The following PRELID2 variants were observed in gnomAD, a reference collection of about 807,000 sequenced individuals.
The protein encoded by PRELID2 is PRELI domain-containing protein 2.
Under a neutral mutation model 28.4 loss-of-function variants are expected in PRELID2, and 25 were observed. The observed-to-expected ratio is 0.88, with a 90% confidence interval of 0.64 to 1.23. The LOEUF is 1.23. Among genes scored for constraint, PRELID2 ranks in the 50% most tolerant of loss-of-function variants. The pLI is 0.00. For missense variants in PRELID2, 201 were observed against 214.4 expected (o/e 0.94, Z 0.39); for synonymous variants, 76 against 71.6 (o/e 1.06, Z -0.31).
At chr5:145,527,147 A>C (rs1238136062) in intron 1 of PRELID2, among the ~76,000 whole-genome samples, 1 of 152,214 alleles carries the variant, frequency 6.6e-6, no homozygotes, top group Non-Finnish European at 1.5e-5. Context: ...GTGTCTATAA[A>C]AGGGTGGCAC....
At chr5:145,581,547 C>T (rs1753107849) in intron 1 of PRELID2, among the ~76,000 whole-genome samples, 5 of 152,036 alleles carry the variant, frequency 3.3e-5, no homozygotes, top group Admixed American at 3.3e-4. Context: ...TGGTGCCTGC[C>T]AGGTCATATC....
intron 1 of PRELID2, among the ~76,000 whole-genome samples, chr5:145,719,496 C>T (rs936010325): frequency 3.5e-5 from 5 of 144,822 alleles, no homozygotes; most frequent in Admixed American, 1.4e-4. Flanking sequence ...TTTCCCATTA[C>T]GAGAGAGAGA....
At chr5:145,801,731 T>C (rs772866884) in intron 4 of PRELID2, among the ~76,000 whole-genome samples, 2 of 152,216 alleles carry the variant, frequency 1.3e-5, no homozygotes, top group Non-Finnish European at 2.9e-5. Flanking sequence ...AGTCTTCCTC[T>C]GTTCTTAGTG....
At chr5:145,275,174 C>T in the PRELID2 span, among the ~76,000 whole-genome samples, 41 of 152,174 alleles carry the variant, frequency 2.7e-4, no homozygotes, top group African/African-American at 9.1e-4. Context: ...CACAATTCAA[C>T]CCAAACACAG....
the PRELID2 span, among the ~76,000 whole-genome samples, chr5:145,317,392 C>G: frequency 6.6e-6 from 1 of 152,174 alleles, no homozygotes; most frequent in Non-Finnish European, 1.5e-5. Flanking sequence ...TGAATAAGAA[C>G]AGCCTGTGGC....
chr5:145,547,758 CAA>C, intron 1 of PRELID2, among the ~76,000 whole-genome samples: 1 of 152,092 alleles, frequency 6.6e-6, no homozygotes, highest in Non-Finnish European at 1.5e-5. Context: ...TTTGGTGTCT[CAA>C]TGTTGGTTTG....
chr5:145,264,994 A>AG, the PRELID2 span, among the ~76,000 whole-genome samples: 44 of 145,552 alleles, frequency 3.0e-4, no homozygotes, highest in Admixed American at 2.7e-3. Flanking sequence ...AAAAAAAAAA[A>AG]GGTAAAGAGT....
intron 1 of PRELID2, among the ~76,000 whole-genome samples, chr5:145,632,382 C>A (rs1417547396): frequency 2.6e-5 from 4 of 152,090 alleles, no homozygotes; most frequent in Non-Finnish European, 5.9e-5. Flanking sequence ...AACGATCTAA[C>A]AATAAGAAGT....
At chr5:145,812,358 C>G (rs1754011469) in intron 4 of PRELID2, among the ~76,000 whole-genome samples, 3 of 152,174 alleles carry the variant, frequency 2.0e-5, no homozygotes, top group African/African-American at 7.2e-5. Flanking sequence ...AATGCAGTTC[C>G]TTAGTGAGAG....
chr5:145,651,953 T>A (rs376828981), intron 1 of PRELID2, among the ~76,000 whole-genome samples: 1 of 152,094 alleles, frequency 6.6e-6, no homozygotes, highest in East Asian at 1.9e-4. Flanking sequence ...ATCAAACTTC[T>A]ATGAGCTAAA....
At chr5:145,271,395 T>C in the PRELID2 span, among the ~76,000 whole-genome samples, 1 of 151,968 alleles carries the variant, frequency 6.6e-6, no homozygotes, top group Non-Finnish European at 1.5e-5. Flanking sequence ...GGGAAAAACT[T>C]TGTAGAGATG....
chr5:145,482,687 C>G (rs1341343000), intron 1 of PRELID2, among the ~76,000 whole-genome samples: 1 of 151,852 alleles, frequency 6.6e-6, no homozygotes, highest in Non-Finnish European at 1.5e-5. Flanking sequence ...TATTATTACA[C>G]TGTAAGCTAT....
chr5:145,523,227 G>T (rs1415794891), intron 1 of PRELID2, among the ~76,000 whole-genome samples: 1 of 152,160 alleles, frequency 6.6e-6, no homozygotes, highest in Admixed American at 6.5e-5. Context: ...TGGGAGAAAC[G>T]TAAGTCAAAT....
downstream of PRELID2, among the ~76,000 whole-genome samples, chr5:145,467,031 A>T (rs564280303): frequency 2.0e-5 from 3 of 152,204 alleles, no homozygotes; most frequent in South Asian, 6.2e-4. Context: ...GTCTCCAATG[A>T]CCCTTTGATG....
chr5:145,391,415 A>G, the PRELID2 span, among the ~76,000 whole-genome samples: 1 of 152,200 alleles, frequency 6.6e-6, no homozygotes, highest in South Asian at 2.1e-4. Context: ...CTAGAGATGA[A>G]GCAGCTGGGA....
intron 1 of PRELID2, among the ~76,000 whole-genome samples, chr5:145,741,057 G>C (rs1264744976): frequency 2.1e-3 from 233 of 111,418 alleles, no homozygotes; most frequent in African/African-American, 7.4e-3. Flanking sequence ...AATAAAATAT[G>C]TATATTATAT....
the PRELID2 span, among the ~76,000 whole-genome samples, chr5:145,450,306 T>C: frequency 6.6e-6 from 1 of 152,138 alleles, no homozygotes; most frequent in South Asian, 2.1e-4. Flanking sequence ...TACAATCCTG[T>C]TGTCAATGAG....
intron 1 of PRELID2, among the ~76,000 whole-genome samples, chr5:145,519,881 C>T (rs539937689): frequency 1.1e-3 from 169 of 152,284 alleles, no homozygotes; most frequent in African/African-American, 3.9e-3. Context: ...TCTAAAATTA[C>T]AATTGAAACA....
At chr5:145,520,740 TCTC>T (rs1752556941) in intron 1 of PRELID2, among the ~76,000 whole-genome samples, 1 of 152,180 alleles carries the variant, frequency 6.6e-6, no homozygotes, top group African/African-American at 2.4e-5. Flanking sequence ...TTAGTATCCT[TCTC>T]CTACTAGAAT....
Sources: allele counts gnomAD v4.1 joint callset (sites outside exome capture counted in the v4.1 genomes callset), GRCh38; gene constraint gnomAD v4.1.1; transcripts MANE v1.5; gene names NCBI Gene and HGNC (gene_info 2026-07-23, HGNC 2026-07-21).